Variants in MYO3B observed in about 807,000 individuals in gnomAD.
MYO3B encodes myosin IIIB.
In MYO3B, 156 loss-of-function variants were observed where a neutral mutation model predicts 174.6. The ratio of observed to expected loss-of-function variants is 0.89; its 90% CI spans 0.78 to 1.02. MYO3B has a LOEUF of 1.02. MYO3B is among the 50% of genes least tolerant of loss of function. MYO3B has a pLI of 0.00. For synonymous variants in MYO3B, 563 were observed against 569.1 expected, an observed-to-expected ratio of 0.99 and a Z score of 0.15; for missense variants, 1,632 against 1,639.4, an observed-to-expected ratio of 1.00 and a Z score of 0.08.
intron 30 of MYO3B, among the ~76,000 whole-genome samples, chr2:170,527,896 C>T (rs1317531601): frequency 6.6e-6 from 1 of 152,210 alleles, no homozygotes; most frequent in Non-Finnish European, 1.5e-5. Flanking sequence ...CTGTAGCACT[C>T]ACAGAATCCA....
intron 32 of MYO3B, among the ~76,000 whole-genome samples, chr2:170,622,521 T>A (rs565407428): frequency 1.3e-5 from 2 of 152,336 alleles, no homozygotes; most frequent in East Asian, 3.9e-4. Context: ...TCTTATGCCA[T>A]TAATATGCAA....
chr2:170,420,706 A>G (rs902949787), intron 22 of MYO3B, among the ~76,000 whole-genome samples: 8 of 152,206 alleles, frequency 5.3e-5, no homozygotes, highest in Admixed American at 5.2e-4. Context: ...TCATGTGACC[A>G]TCTTGTCTGA....
intron 25 of MYO3B, among the ~76,000 whole-genome samples, chr2:170,490,086 T>C (rs1285445567): frequency 2.0e-5 from 3 of 150,718 alleles, no homozygotes; most frequent in African/African-American, 7.4e-5. Flanking sequence ...TGGAGTGCAG[T>C]GGCGTGATCT....
At chr2:170,472,880 T>A (rs975595371) in intron 25 of MYO3B, among the ~76,000 whole-genome samples, 2 of 151,514 alleles carry the variant, frequency 1.3e-5, no homozygotes, top group Non-Finnish European at 2.9e-5. Flanking sequence ...TTTGTATTTT[T>A]AGTAGCGATG....
chr2:170,563,374 A>G (rs1307118564), intron 32 of MYO3B, among the ~76,000 whole-genome samples: 2 of 152,208 alleles, frequency 1.3e-5, no homozygotes, highest in African/African-American at 4.8e-5. Flanking sequence ...TGGAATGCAA[A>G]AGGAGAGAGT....
chr2:170,196,389 T>C (rs1161695896), intron 1 of MYO3B, among the ~76,000 whole-genome samples: 1 of 152,108 alleles, frequency 6.6e-6, no homozygotes, highest in Non-Finnish European at 1.5e-5. Context: ...AGCACATGCT[T>C]GTGGTCCCAT....
At chr2:170,345,595 G>A (rs927799629) in intron 8 of MYO3B, among the ~76,000 whole-genome samples, 2 of 152,096 alleles carry the variant, frequency 1.3e-5, no homozygotes, top group African/African-American at 4.8e-5. Context: ...GAGGCCCAAA[G>A]CTTGAACCTT....
At position 170,519,371 on chromosome 2, in the gene MYO3B, A is replaced by G. The variant is rs1043889151; in HGVS notation, c.3473-67A>G. 4.1e-5 allele frequency: 52 copies of G among 1,259,756 alleles called. 1 individual carries two copies. In the African/African-American group the frequency reaches 7.3e-4, roughly 18 times the overall value. The allele number at this position is 1,259,756 out of a possible 1,614,324, so 78.0% of individuals were successfully genotyped here. ...GAGAGAAGGGCTGCAGAGAGTGTAG[A>G]TGGGCACCAAAAGCTAACCCTACCT... is the stretch of plus-strand genomic sequence containing the variant. On this transcript the variant is annotated intron_variant, in intron 29 of 34. Transcript: ENST00000408978.
intron 32 of MYO3B, among the ~76,000 whole-genome samples, chr2:170,587,434 G>A (rs904829010): frequency 2.0e-5 from 3 of 152,128 alleles, no homozygotes; most frequent in South Asian, 2.1e-4. Context: ...GACTGACCTC[G>A]AAATAAAAGT....
chr2:170,579,978 A>T (rs1693025522), intron 32 of MYO3B, among the ~76,000 whole-genome samples: 4 of 152,208 alleles, frequency 2.6e-5, no homozygotes, highest in African/African-American at 7.2e-5. Flanking sequence ...GAAATTACAG[A>T]GTTGTGATGC....
intron 14 of MYO3B, among the ~76,000 whole-genome samples, chr2:170,389,164 A>G (rs1361780097): frequency 6.6e-6 from 1 of 152,242 alleles, no homozygotes; most frequent in Non-Finnish European, 1.5e-5. Flanking sequence ...AATAATGTCA[A>G]CCTCACAAGG....
intron 32 of MYO3B, among the ~76,000 whole-genome samples, chr2:170,593,621 A>C (rs1306186710): frequency 6.6e-6 from 1 of 152,228 alleles, no homozygotes; most frequent in African/African-American, 2.4e-5. Context: ...CAAAGACCCA[A>C]ATGAGGTCTG....
At chr2:170,564,918 T>A (rs183852483) in intron 32 of MYO3B, among the ~76,000 whole-genome samples, 268 of 151,958 alleles carry the variant, frequency 1.8e-3, no homozygotes, top group Non-Finnish European at 2.2e-3. Flanking sequence ...TCTTTTAATA[T>A]CCAATTAAAA....
chr2:170,252,140 C>T (rs1022644537), intron 7 of MYO3B, among the ~76,000 whole-genome samples: 2 of 152,222 alleles, frequency 1.3e-5, no homozygotes, highest in South Asian at 2.1e-4. Flanking sequence ...TGATAATGCA[C>T]TTACCTGAAG....
intron 6 of MYO3B, among the ~76,000 whole-genome samples, chr2:170,232,561 A>G (rs1002090141): frequency 2.0e-5 from 3 of 152,246 alleles, no homozygotes; most frequent in Non-Finnish European, 4.4e-5. Flanking sequence ...TATAGATAGC[A>G]CTTATATGGC....
chr2:170,404,287 A>T lies in MYO3B; in HGVS notation c.2318A>T (p.Glu773Val). Residue 773 changes from glutamate (E) to valine (V), a missense_variant, in exon 20 of 35, where the codon GAA becomes GTA. Transcript: ENST00000408978. ...QNEGIDAVPVEYEDNRPLLDM... is the reference protein window; with the variant it reads ...QNEGIDAVPVVYEDNRPLLDM... ...GAAGGCATTGATGCTGTACCCGTGG[A>T]ATATGAGGACAACCGCCCGCTCTTG... 6.2e-7 allele frequency: 1 copy of T among 1,613,048 alleles called. No homozygotes were observed.
intron 28 of MYO3B, among the ~76,000 whole-genome samples, chr2:170,514,317 G>A (rs944282540): frequency 6.6e-6 from 1 of 152,208 alleles, no homozygotes; most frequent in Admixed American, 6.5e-5. Flanking sequence ...AAGGAAGTAA[G>A]CTGACTGGAC....
intron 30 of MYO3B, among the ~76,000 whole-genome samples, chr2:170,523,889 G>A (rs1457552080): frequency 2.6e-5 from 4 of 152,162 alleles, no homozygotes; most frequent in African/African-American, 4.8e-5. Context: ...ATTTGCAGTG[G>A]TGGTTCTGCA....
chr2:170,179,491 A>AAAAAAT (rs1326099056), intron 1 of MYO3B, among the ~76,000 whole-genome samples: 14 of 152,210 alleles, frequency 9.2e-5, no homozygotes, highest in Admixed American at 5.9e-4. Context: ...CTAGGTCATG[A>AAAAAAT]GGGCTCTGCC....
Sources: allele counts gnomAD v4.1 joint callset (sites outside exome capture counted in the v4.1 genomes callset), GRCh38; gene constraint gnomAD v4.1.1; transcripts MANE v1.5; gene names NCBI Gene and HGNC (gene_info 2026-07-23, HGNC 2026-07-21).